MGLL: variants seen among roughly 807,000 people sequenced by gnomAD.
MGLL encodes the protein monoglyceride lipase, also known as lysophospholipase homolog.
MGLL carries 7 observed loss-of-function variants against 29.1 expected under a neutral mutation model. The ratio of observed to expected loss-of-function variants is 0.24; its 90% CI spans 0.14 to 0.45. The LOEUF is 0.45. MGLL is among the 20% of genes least tolerant of loss of function. The pLI, the probability that MGLL is intolerant of heterozygous loss-of-function variation, is 0.99. For synonymous variants in MGLL, 148 were observed against 168.3 expected (o/e 0.88, Z 0.93); for missense variants, 356 against 413.6 (o/e 0.86, Z 1.21).
intron 3 of MGLL, among the ~76,000 whole-genome samples, chr3:127,778,807 A>G (rs376837525): frequency 6.8e-6 from 1 of 147,730 alleles, no homozygotes; most frequent in South Asian, 2.2e-4. Flanking sequence ...GGCTGGGTAC[A>G]ATGGTGTGAT....
intron 2 of MGLL, among the ~76,000 whole-genome samples, chr3:127,797,124 G>A (rs2077395155): frequency 6.6e-6 from 1 of 152,048 alleles, no homozygotes; most frequent in East Asian, 1.9e-4. Context: ...AGGCACGAGA[G>A]GCCATGCTGT....
At position 127,822,336 on chromosome 3, in the gene MGLL, A is replaced by T; in HGVS notation, c.-18T>A. Reference sequence around the variant, plus strand: ...GTTTCCATTATGTGCTGGCGTTTGCATTCCACAACCACGACAGCCTGGAGA... The same window carrying T: ...GTTTCCATTATGTGCTGGCGTTTGCTTTCCACAACCACGACAGCCTGGAGA... On this transcript the variant is annotated 5_prime_UTR_variant, in exon 1 of 8. An upstream start codon of the reference 5' UTR is lost. Transcript: ENST00000265052. The T allele has an allele frequency of 6.2e-7, 1 of 1,613,798 alleles. No homozygotes were observed. Among genetic ancestry groups the T allele is most frequent in the East Asian group, 2.2e-5 (1 of 44,872 alleles).
rs1225870102 is a variant in MGLL at position 127,822,380 on chromosome 3, G to C, written c.-62C>G. On this transcript the variant is annotated 5_prime_UTR_variant, in exon 1 of 8. Transcript: ENST00000265052. ...CTGGAGAATCAGAACCAGGCAAATCGGGCTGTTCCCTCATCTGGGCGGCCC... is the reference window on the plus strand; with the variant it reads ...CTGGAGAATCAGAACCAGGCAAATCCGGCTGTTCCCTCATCTGGGCGGCCC... The C allele has an allele frequency of 7.5e-6, 12 of 1,593,838 alleles. No homozygotes were observed. The highest frequency in any genetic ancestry group is 4.5e-5 in the East Asian group (2 of 44,750).
In MGLL at chr3:127,690,337, T is replaced by G. The variant is rs1418998839; in HGVS notation, c.*1861A>C. ...CTACAGAAGGTGCTCTGTGGGGACT[T>G]GGGCCGGGTCAGCAACCAAGCCCCC... On this transcript the variant is annotated 3_prime_UTR_variant, in exon 8 of 8. Coordinates refer to ENST00000265052, the MANE Select transcript of MGLL (RefSeq NM_007283.7). 3.3e-5 allele frequency: 5 copies of G among 152,196 alleles called. No individual in the cohort carries two copies. Among genetic ancestry groups the G allele is most frequent in the Admixed American group, 3.3e-4 (5 of 15,290 alleles). The allele number at this position is 152,196 out of a possible 1,614,324, so 9.4% of individuals were successfully genotyped here.
At chr3:127,707,400 A>C (rs2075624581) in intron 6 of MGLL, among the ~76,000 whole-genome samples, 1 of 152,242 alleles carries the variant, frequency 6.6e-6, no homozygotes, top group East Asian at 1.9e-4. Flanking sequence ...AATCACGTTC[A>C]AGGCTTCTCA....
intron 2 of MGLL, among the ~76,000 whole-genome samples, chr3:127,785,620 C>T (rs1333477573): frequency 1.3e-5 from 2 of 152,262 alleles, no homozygotes; most frequent in Non-Finnish European, 2.9e-5. Context: ...CCACGCAGGA[C>T]CCTGCGCAAG....
intron 2 of MGLL, among the ~76,000 whole-genome samples, chr3:127,784,227 T>C (rs1180367570): frequency 6.6e-5 from 10 of 152,192 alleles, no homozygotes; most frequent in Admixed American, 6.5e-4. Flanking sequence ...TGGCCACACA[T>C]TGGAGTCACC....
intron 5 of MGLL, chr3:127,711,380 T>G (rs533198413): frequency 2.1e-3 from 319 of 153,480 alleles, no homozygotes; most frequent in Middle Eastern, 0.01. Flanking sequence ...ACATGCTCAT[T>G]GAACTTGAGC....
At chr3:127,705,228 G>A (rs919733530) in intron 6 of MGLL, among the ~76,000 whole-genome samples, 2 of 152,046 alleles carry the variant, frequency 1.3e-5, no homozygotes, top group Admixed American at 1.3e-4. Context: ...TCAGGAGGAG[G>A]GGCACGGGGG....
chr3:127,740,866 T>C (rs1193731777), intron 3 of MGLL, among the ~76,000 whole-genome samples: 1 of 152,152 alleles, frequency 6.6e-6, no homozygotes, highest in African/African-American at 2.4e-5. Flanking sequence ...ACGGGAAAAG[T>C]GTTCTGTTCA....
chr3:127,691,629 C>A lies in MGLL; in HGVS notation c.*569G>T. The A allele has an allele frequency of 6.2e-6, 1 of 160,236 alleles. No homozygotes were observed. Among genetic ancestry groups the A allele is most frequent in the Non-Finnish European group, 1.4e-5 (1 of 72,812 alleles). 9.9% of individuals were successfully genotyped at this position (160,236 alleles called of 1,614,324 possible). On this transcript the variant is annotated 3_prime_UTR_variant, in exon 8 of 8. Coordinates refer to ENST00000265052, the MANE Select transcript of MGLL (RefSeq NM_007283.7). ...CCTGGTCTCAGGCTAACAAGGAGCC[C>A]ACAAAGTCATGGGTGGCTGCTCATT...
chr3:127,710,195 C>G (rs1044313919), intron 6 of MGLL, among the ~76,000 whole-genome samples: 1 of 152,154 alleles, frequency 6.6e-6, no homozygotes, highest in South Asian at 2.1e-4. Context: ...GGGAAGAGAC[C>G]GATGGAGAAT....
At chr3:127,714,208 C>T (rs2075772647) in intron 5 of MGLL, 1 of 152,208 alleles carries the variant, frequency 6.6e-6, no homozygotes. Flanking sequence ...GAACGCCTCA[C>T]CATCCCCTTC....
chr3:127,711,695 C>T (rs2075716861), intron 5 of MGLL: 1 of 151,844 alleles, frequency 6.6e-6, no homozygotes, highest in Admixed American at 6.6e-5. Flanking sequence ...ACCGAGGAAC[C>T]ACCTTCTGGT....
chr3:127,812,278 G>T (rs2107752473), intron 2 of MGLL, among the ~76,000 whole-genome samples: 1 of 152,294 alleles, frequency 6.6e-6, no homozygotes, highest in South Asian at 2.1e-4. Context: ...CCACATAAAA[G>T]AAAAGTGTTG....
chr3:127,756,417 C>T (rs927968282), intron 3 of MGLL, among the ~76,000 whole-genome samples: 19 of 152,096 alleles, frequency 1.2e-4, no homozygotes, highest in Non-Finnish European at 1.6e-4. Flanking sequence ...CTTTCATCAC[C>T]CCAGGGCCAG....
intron 3 of MGLL, among the ~76,000 whole-genome samples, chr3:127,735,303 A>G (rs1164425014): frequency 1.3e-5 from 2 of 152,266 alleles, no homozygotes; most frequent in Non-Finnish European, 2.9e-5. Context: ...ACACCAGGAT[A>G]TATGTCCAAG....
intron 3 of MGLL, among the ~76,000 whole-genome samples, chr3:127,737,780 G>GATT (rs2076270549): frequency 6.6e-6 from 1 of 151,412 alleles, no homozygotes; most frequent in Non-Finnish European, 1.5e-5. Context: ...AAGTAGCTGG[G>GATT]ATTACAGGCA....
At chr3:127,697,580 T>G (rs562712202) in intron 6 of MGLL, among the ~76,000 whole-genome samples, 2 of 152,324 alleles carry the variant, frequency 1.3e-5, no homozygotes, top group African/African-American at 4.8e-5. Context: ...CTGCTCAGAA[T>G]AGAGACTACA....
Sources: allele counts gnomAD v4.1 joint callset (sites outside exome capture counted in the v4.1 genomes callset), GRCh38; gene constraint gnomAD v4.1.1; transcripts MANE v1.5; gene names NCBI Gene and HGNC (gene_info 2026-07-23, HGNC 2026-07-21).